Variants in ANKS1A observed in about 807,000 individuals in gnomAD.
The protein encoded by ANKS1A is ankyrin repeat and SAM domain-containing protein 1A.
In ANKS1A, 55 loss-of-function variants were observed where a neutral mutation model predicts 120.3. The observed-to-expected ratio is 0.46, with a 90% CI of 0.37 to 0.57. The LOEUF is 0.57. Among genes scored for constraint, ANKS1A ranks in the 20% least tolerant of loss-of-function variants. ANKS1A has a pLI of 0.00. For missense variants in ANKS1A, 1,123 were observed against 1,480.3 expected (o/e 0.76, Z 3.96); for synonymous variants, 590 against 604.7 (o/e 0.98, Z 0.36).
At chr6:35,059,513 G>C (rs553193603) in intron 12 of ANKS1A, among the ~76,000 whole-genome samples, 2 of 152,370 alleles carry the variant, frequency 1.3e-5, no homozygotes, top group South Asian at 4.1e-4. Context: ...TGTGCTGCTT[G>C]TGTTGCATGT....
chr6:34,992,767 T>C (rs1417789521), intron 9 of ANKS1A, among the ~76,000 whole-genome samples: 1 of 152,254 alleles, frequency 6.6e-6, no homozygotes, highest in Non-Finnish European at 1.5e-5. Context: ...AGGTTCCTGC[T>C]GTGCTTAGCA....
intron 11 of ANKS1A, among the ~76,000 whole-genome samples, chr6:35,037,976 C>T (rs762336385): frequency 6.6e-5 from 10 of 151,884 alleles, no homozygotes; most frequent in Admixed American, 2.0e-4. Flanking sequence ...AGGGAGAGGG[C>T]ACGATGGAGT....
intron 1 of ANKS1A, among the ~76,000 whole-genome samples, chr6:34,895,775 T>G (rs1034071441): frequency 2.9e-5 from 4 of 140,084 alleles, no homozygotes; most frequent in African/African-American, 1.2e-4. Context: ...TTCAAGAATG[T>G]CTTTCTTTTT....
intron 10 of ANKS1A, among the ~76,000 whole-genome samples, chr6:34,999,876 G>A (rs1773066218): frequency 6.6e-6 from 1 of 152,000 alleles, no homozygotes; most frequent in Non-Finnish European, 1.5e-5. Context: ...GACAAAGAAG[G>A]AGTCAAGAAA....
chr6:34,899,901 C>T (rs978905053), intron 1 of ANKS1A, among the ~76,000 whole-genome samples: 8 of 152,222 alleles, frequency 5.3e-5, no homozygotes, highest in African/African-American at 1.9e-4. Context: ...GATCAAACTT[C>T]AATGCAAAGT....
At chr6:34,995,774 G>T (rs1335844114) in intron 10 of ANKS1A, among the ~76,000 whole-genome samples, 1 of 152,116 alleles carries the variant, frequency 6.6e-6, no homozygotes, top group African/African-American at 2.4e-5. Context: ...ATCCCATTGT[G>T]TGGATATACC....
intron 1 of ANKS1A, among the ~76,000 whole-genome samples, chr6:34,907,415 A>G (rs1767698221): frequency 6.6e-6 from 1 of 152,132 alleles, no homozygotes; most frequent in Non-Finnish European, 1.5e-5. Context: ...ATCCTTGTAT[A>G]CTCAAGTCCT....
intron 11 of ANKS1A, among the ~76,000 whole-genome samples, chr6:35,045,523 T>C (rs1032948349): frequency 1.5e-4 from 23 of 152,210 alleles, no homozygotes; most frequent in African/African-American, 4.6e-4. Flanking sequence ...CCTTGTTCTT[T>C]CCACCCCTAC....
intron 10 of ANKS1A, among the ~76,000 whole-genome samples, chr6:34,995,696 C>T (rs139305275): frequency 7.1e-4 from 108 of 152,274 alleles, no homozygotes; most frequent in Middle Eastern, 3.4e-3. Flanking sequence ...CCTTTCACTT[C>T]GCTAATACAT....
intron 1 of ANKS1A, among the ~76,000 whole-genome samples, chr6:34,891,572 A>G (rs1766824775): frequency 6.6e-6 from 1 of 152,170 alleles, no homozygotes; most frequent in Non-Finnish European, 1.5e-5. Context: ...AACCCTCAGC[A>G]TATCCTGCTA....
intron 20 of ANKS1A, 38 bp downstream of exon 20, chr6:35,083,541 C>G: frequency 6.2e-7 from 1 of 1,600,592 alleles, no homozygotes. Context: ...GGAGTGGGAC[C>G]CACATCCCCG....
intron 11 of ANKS1A, among the ~76,000 whole-genome samples, chr6:35,041,083 G>C (rs1775432702): frequency 6.6e-6 from 1 of 152,156 alleles, no homozygotes; most frequent in African/African-American, 2.4e-5. Context: ...GCCAACAATG[G>C]GGATGTTATA....
chr6:34,898,454 A>G (rs1767199429), intron 1 of ANKS1A, among the ~76,000 whole-genome samples: 1 of 152,214 alleles, frequency 6.6e-6, no homozygotes, highest in Non-Finnish European at 1.5e-5. Context: ...ACCTGTAAAT[A>G]TTGACTAAAT....
In ANKS1A at chr6:35,057,600, T is replaced by A. The variant is rs953031357; in HGVS notation, c.2078-2547T>A. ...TTTTTGGCCTGTCTCCATCTGTACT[T>A]GGGATTTGGCCCTGGTTTCCCCCTT... On this transcript the variant is annotated intron_variant, in intron 12 of 23. Coordinates refer to ENST00000360359, the MANE Select transcript of ANKS1A (RefSeq NM_015245.3). This position sits in a 1 kb window ranked among gnomAD's most constrained non-coding sequence, Gnocchi z 4.1. Among the ~76,000 whole-genome samples the A allele has an allele frequency of 1.3e-5, 2 of 152,212 alleles. No homozygotes were observed. The highest frequency in any genetic ancestry group is 4.8e-5 in the African/African-American group (2 of 41,456).
At chr6:35,063,627 A>G (rs1388210589) in intron 13 of ANKS1A, among the ~76,000 whole-genome samples, 1 of 152,256 alleles carries the variant, frequency 6.6e-6, no homozygotes, top group Non-Finnish European at 1.5e-5. Flanking sequence ...CAAGGGAGTG[A>G]GCCAAGATGT....
chr6:35,089,663 T>C lies in ANKS1A; in HGVS notation c.*1054T>C, dbSNP rs1778196183. On this transcript the variant is annotated 3_prime_UTR_variant, in exon 24 of 24. Transcript: ENST00000360359. Reference sequence around the variant, plus strand: ...AAATAAGGTGACAGTGCATCGATGCTCCCCCGCGTGGCCTTTGGGGCAGGC... The same window carrying C: ...AAATAAGGTGACAGTGCATCGATGCCCCCCCGCGTGGCCTTTGGGGCAGGC... 5.0e-6 allele frequency: 5 copies of C among 990,250 alleles called. No individual in the cohort carries two copies. The highest frequency in any genetic ancestry group is 9.3e-5 in the South Asian group (2 of 21,586). 61.3% of individuals were successfully genotyped at this position (990,250 alleles called of 1,614,324 possible). A position where few individuals can be genotyped will look rare whatever the true frequency, so the allele number is the denominator to read the frequency against.
In ANKS1A at chr6:35,089,853, G is replaced by C; in HGVS notation, c.*1244G>C. 1 of 1,075,206 alleles carries C rather than the reference G, an allele frequency of 9.3e-7. No homozygotes were observed. The highest frequency in any genetic ancestry group is 1.1e-6 in the Non-Finnish European group (1 of 883,334). The allele number at this position is 1,075,206 out of a possible 1,614,324, so 66.6% of individuals were successfully genotyped here. A position where few individuals can be genotyped will look rare whatever the true frequency, so the allele number is the denominator to read the frequency against. On this transcript the variant is annotated 3_prime_UTR_variant, in exon 24 of 24. Transcript: ENST00000360359. ...CTCAGCTGTGTGCCCAGTTCCTCCTGTGGGCACTTTAGCAGGCTCCGAGCT... is the reference window on the plus strand; with the variant it reads ...CTCAGCTGTGTGCCCAGTTCCTCCTCTGGGCACTTTAGCAGGCTCCGAGCT...
intron 11 of ANKS1A, among the ~76,000 whole-genome samples, chr6:35,024,569 G>A (rs1177375087): frequency 6.6e-6 from 1 of 152,242 alleles, no homozygotes. Flanking sequence ...TATAAGATGA[G>A]AATAATTTCT....
intron 10 of ANKS1A, among the ~76,000 whole-genome samples, chr6:35,002,549 A>G (rs891885283): frequency 6.6e-6 from 1 of 152,150 alleles, no homozygotes; most frequent in African/African-American, 2.4e-5. Context: ...TAGTTATTAT[A>G]AGTGTACTGG....
Sources: gnomAD v4.1 joint callset for allele counts (sites outside exome capture counted in the v4.1 genomes callset) on GRCh38, gnomAD v4.1.1 for gene constraint, Gnocchi (gnomAD v3.1) non-coding constraint, MANE v1.5 for transcripts, NCBI Gene and HGNC (gene_info 2026-07-23, HGNC 2026-07-21) for gene names.